The following ERC1 variants were observed in gnomAD, a reference collection of about 807,000 sequenced individuals.
ERC1 encodes the protein RAB6 interacting protein 2.
Under a neutral mutation model 132.0 loss-of-function variants are expected in ERC1, and 56 were observed. That is an observed-to-expected ratio of 0.42 (90% CI 0.34 to 0.53). ERC1 has a LOEUF of 0.53. Ranked by LOEUF, ERC1 falls within the 20% of genes least tolerant of loss-of-function variation. The pLI is 0.03. For missense variants in ERC1, 1,202 were observed against 1,349.9 expected (o/e 0.89, Z 1.72); for synonymous variants, 478 against 476.1 (o/e 1.00, Z -0.05).
chr12:1,069,413 C>CT (rs2154180877), intron 2 of ERC1, among the ~76,000 whole-genome samples: 1 of 152,236 alleles, frequency 6.6e-6, no homozygotes, highest in Admixed American at 6.5e-5. Context: ...TTGAGAGAAA[C>CT]TTTTACCCAT....
At chr12:1,017,279 G>C (rs1016896787) in intron 1 of ERC1, among the ~76,000 whole-genome samples, 9 of 152,154 alleles carry the variant, frequency 5.9e-5, no homozygotes, top group African/African-American at 2.2e-4. Flanking sequence ...TTACAGGCAT[G>C]ACCCACCATG....
At chr12:1,294,398 A>G (rs1386727220) in intron 15 of ERC1, among the ~76,000 whole-genome samples, 1 of 152,216 alleles carries the variant, frequency 6.6e-6, no homozygotes, top group Non-Finnish European at 1.5e-5. Flanking sequence ...GGCTGGAATA[A>G]GGTCTAAGTA....
chr12:1,164,687 G>T (rs1167467616), intron 8 of ERC1, among the ~76,000 whole-genome samples: 1 of 152,158 alleles, frequency 6.6e-6, no homozygotes, highest in African/African-American at 2.4e-5. Flanking sequence ...CAAGAATGGG[G>T]CTCCACCTTC....
chr12:1,354,572 T>G (rs954509173), intron 15 of ERC1, among the ~76,000 whole-genome samples: 2 of 152,142 alleles, frequency 1.3e-5, no homozygotes, highest in African/African-American at 4.8e-5. Flanking sequence ...TCTGGCTCTA[T>G]AGTAATCATG....
chr12:1,324,285 A>G (rs1023019721), intron 15 of ERC1, among the ~76,000 whole-genome samples: 1 of 152,184 alleles, frequency 6.6e-6, no homozygotes, highest in Non-Finnish European at 1.5e-5. Flanking sequence ...CCTACTGATG[A>G]GGTGATAATG....
At chr12:1,279,674 AT>A (rs1216401139) in intron 14 of ERC1, among the ~76,000 whole-genome samples, 1 of 131,026 alleles carries the variant, frequency 7.6e-6, no homozygotes, top group Non-Finnish European at 1.7e-5. Flanking sequence ...TTTTTTTTTA[AT>A]TTTATTTTAT....
chr12:1,339,182 G>A (rs1413858757), intron 15 of ERC1, among the ~76,000 whole-genome samples: 2 of 148,706 alleles, frequency 1.3e-5, no homozygotes, highest in African/African-American at 5.0e-5. Flanking sequence ...CAGGTACCAG[G>A]GTGCCCGCCC....
chr12:1,384,521 G>C (rs1033600493), intron 16 of ERC1, among the ~76,000 whole-genome samples: 7 of 152,130 alleles, frequency 4.6e-5, no homozygotes, highest in Non-Finnish European at 1.0e-4. Context: ...TATTAAGATA[G>C]TGTTTAGCCA....
intron 12 of ERC1, among the ~76,000 whole-genome samples, chr12:1,192,114 T>A (rs972689334): frequency 6.6e-6 from 1 of 152,228 alleles, no homozygotes; most frequent in East Asian, 1.9e-4. Flanking sequence ...CAAGGCTAGT[T>A]ATGTTCCTTT....
intron 15 of ERC1, among the ~76,000 whole-genome samples, chr12:1,342,622 A>G (rs1479064002): frequency 6.6e-6 from 1 of 152,212 alleles, no homozygotes; most frequent in Admixed American, 6.5e-5. Context: ...AGACCCTCCT[A>G]GTCTTTTAGC....
At chr12:1,475,829 T>C (rs1364321883) in intron 18 of ERC1, among the ~76,000 whole-genome samples, 5 of 152,020 alleles carry the variant, frequency 3.3e-5, no homozygotes, top group African/African-American at 1.2e-4. Context: ...TTAACAAGGA[T>C]ATCGGAAATG....
chr12:1,282,571 A>C (rs766859500), intron 14 of ERC1, among the ~76,000 whole-genome samples: 19 of 152,238 alleles, frequency 1.2e-4, no homozygotes, highest in Non-Finnish European at 2.1e-4. Context: ...AGTGTAAATG[A>C]TAGCCTAAAG....
At chr12:1,280,987 CTTTA>C (rs576224813) in intron 14 of ERC1, among the ~76,000 whole-genome samples, 71 of 152,134 alleles carry the variant, frequency 4.7e-4, no homozygotes, top group African/African-American at 1.5e-3. Flanking sequence ...GAAATGTCAA[CTTTA>C]TTTATTTCTA....
intron 15 of ERC1, among the ~76,000 whole-genome samples, chr12:1,304,868 C>G (rs1383853536): frequency 7.0e-6 from 1 of 141,882 alleles, no homozygotes; most frequent in African/African-American, 2.6e-5. Flanking sequence ...CGGCTCACTG[C>G]AAGCTCCGCC....
chr12:1,310,146 A>G (rs1427384168), intron 15 of ERC1, among the ~76,000 whole-genome samples: 1 of 148,068 alleles, frequency 6.8e-6, no homozygotes, highest in African/African-American at 2.5e-5. Context: ...AAGGGGTTTC[A>G]CCGTGTTAGT....
At position 1,360,039 on chromosome 12, in the gene ERC1, A is replaced by G. The variant is rs569185564; in HGVS notation, c.2781-11794A>G. 5.3e-5 allele frequency among the ~76,000 whole-genome samples: 8 copies of G among 152,310 alleles called. No individual in the cohort carries two copies. In the South Asian group the frequency reaches 1.7e-3, roughly 32 times the overall value. ...TAGTGGATTTTATTCTAAACAGTAA[A>G]TACCAAATGAGCAGACATTGTCGTA... On this transcript the variant is annotated intron_variant, in intron 15 of 18. Transcript: ENST00000360905.
chr12:1,334,184 A>C (rs1454447622), intron 15 of ERC1, among the ~76,000 whole-genome samples: 1 of 152,126 alleles, frequency 6.6e-6, no homozygotes, highest in African/African-American at 2.4e-5. Context: ...CCCATTCTGT[A>C]GGTTGTATAC....
chr12:1,129,805 A>G (rs1190288199), intron 7 of ERC1, among the ~76,000 whole-genome samples: 1 of 145,862 alleles, frequency 6.9e-6, no homozygotes, highest in Non-Finnish European at 1.5e-5. Context: ...TAAAAGATGT[A>G]TGTTAGAAAG....
At chr12:1,408,412 G>A (rs1346558132) in intron 17 of ERC1, among the ~76,000 whole-genome samples, 165 bp downstream of exon 17, 2 of 138,568 alleles carry the variant, frequency 1.4e-5, no homozygotes, top group African/African-American at 3.3e-5. Flanking sequence ...CACAGATTCA[G>A]TTTCTTTATA....
Sources: gnomAD v4.1 joint callset for allele counts (sites outside exome capture counted in the v4.1 genomes callset) on GRCh38, gnomAD v4.1.1 for gene constraint, MANE v1.5 for transcripts, NCBI Gene and HGNC (gene_info 2026-07-23, HGNC 2026-07-21) for gene names.